MAP4K3: variants seen among roughly 807,000 people sequenced by gnomAD.
The protein encoded by MAP4K3 is mitogen-activated protein kinase kinase kinase kinase 3, also known as MAPK/ERK kinase kinase kinase 3.
Under a neutral mutation model 143.5 loss-of-function variants are expected in MAP4K3, and 94 were observed. The ratio of observed to expected loss-of-function variants is 0.65; its 90% CI spans 0.55 to 0.78. The LOEUF (loss-of-function observed/expected upper bound fraction) is 0.78. Ranked by LOEUF, MAP4K3 falls within the 30% of genes least tolerant of loss-of-function variation. MAP4K3 has a pLI of 0.00. For missense variants in MAP4K3, 1,077 were observed against 1,068.1 expected (o/e 1.01, Z -0.12); for synonymous variants, 416 against 347.2 (o/e 1.20, Z -2.20).
chr2:39,302,111 A>G (rs938983418), intron 15 of MAP4K3, among the ~76,000 whole-genome samples: 3 of 152,130 alleles, frequency 2.0e-5, no homozygotes, highest in South Asian at 2.1e-4. Context: ...AAGTATCTAA[A>G]ATAACTAAAG....
intron 2 of MAP4K3, among the ~76,000 whole-genome samples, chr2:39,373,641 T>C (rs1666139888): frequency 6.6e-6 from 1 of 152,164 alleles, no homozygotes; most frequent in South Asian, 2.1e-4. Flanking sequence ...TGCAACAACA[T>C]GGGTGGAACT....
intron 29 of MAP4K3, among the ~76,000 whole-genome samples, chr2:39,259,706 T>C (rs1402576403): frequency 6.6e-6 from 1 of 152,184 alleles, no homozygotes; most frequent in Non-Finnish European, 1.5e-5. Context: ...ATGTGAAACA[T>C]ATAAAATGAA....
chr2:39,369,137 G>A (rs1362768290), intron 2 of MAP4K3, among the ~76,000 whole-genome samples: 1 of 149,698 alleles, frequency 6.7e-6, no homozygotes, highest in Non-Finnish European at 1.5e-5. Context: ...TTACTAACCT[G>A]TAAAAACAAA....
intron 24 of MAP4K3, among the ~76,000 whole-genome samples, chr2:39,274,323 TCTC>T (rs1462285131): frequency 6.6e-6 from 1 of 151,788 alleles, no homozygotes; most frequent in Admixed American, 6.6e-5. Flanking sequence ...TTCACGCCCT[TCTC>T]CTGCCTCAGC....
intron 26 of MAP4K3, among the ~76,000 whole-genome samples, chr2:39,268,184 A>AT (rs1680846689): frequency 6.6e-6 from 1 of 152,114 alleles, no homozygotes; most frequent in Non-Finnish European, 1.5e-5. Context: ...TCAATTCTGA[A>AT]TTTTTTTAAA....
chr2:39,263,679 G>C (rs1381925511), intron 28 of MAP4K3, among the ~76,000 whole-genome samples: 1 of 152,142 alleles, frequency 6.6e-6, no homozygotes, highest in African/African-American at 2.4e-5. Flanking sequence ...AGAAAAGGGA[G>C]AAGAGTGATT....
chr2:39,378,024 G>A (rs1558676037), intron 2 of MAP4K3, 42 bp downstream of exon 2: 1 of 1,138,690 alleles, frequency 8.8e-7, no homozygotes, highest in Middle Eastern at 2.0e-4. Context: ...GATATCCCAT[G>A]GCTTTCTAGC....
chr2:39,293,966 G>A (rs1682163078), intron 16 of MAP4K3: 1 of 152,194 alleles, frequency 6.6e-6, no homozygotes, highest in Non-Finnish European at 1.5e-5. Flanking sequence ...TAATTTTCAG[G>A]AATGTAAGAG....
At chr2:39,302,305 A>C (rs192400609) in intron 15 of MAP4K3, among the ~76,000 whole-genome samples, 1 of 152,200 alleles carries the variant, frequency 6.6e-6, no homozygotes, top group Non-Finnish European at 1.5e-5. Flanking sequence ...ATGTTATAGC[A>C]ACCATGGAAC....
intron 3 of MAP4K3, among the ~76,000 whole-genome samples, chr2:39,351,515 G>GT (rs1665457251): frequency 2.5e-5 from 1 of 39,600 alleles, no homozygotes; most frequent in South Asian, 6.2e-4. Context: ...GAAGGATTAG[G>GT]TTTTAGATAT....
chr2:39,403,710 G>A (rs1267110811), intron 1 of MAP4K3, among the ~76,000 whole-genome samples: 1 of 151,864 alleles, frequency 6.6e-6, no homozygotes, highest in Non-Finnish European at 1.5e-5. Context: ...GTGGGGCTTG[G>A]AGCCAGTGGA....
chr2:39,349,640 G>GGAAGA (rs1453984334), intron 3 of MAP4K3, among the ~76,000 whole-genome samples: 2 of 151,980 alleles, frequency 1.3e-5, no homozygotes, highest in Non-Finnish European at 2.9e-5. Flanking sequence ...GAGGGAGAAG[G>GGAAGA]GAAGAGAAGG....
intron 24 of MAP4K3, among the ~76,000 whole-genome samples, chr2:39,274,216 TC>T (rs1417591460): frequency 2.7e-5 from 4 of 149,998 alleles, no homozygotes; most frequent in African/African-American, 4.9e-5. Context: ...ATTTTCTTTC[TC>T]TCTCTTTTTT....
intron 1 of MAP4K3, among the ~76,000 whole-genome samples, chr2:39,423,771 T>A (rs10175333): frequency 4.6e-5 from 7 of 152,170 alleles, no homozygotes; most frequent in African/African-American, 1.7e-4. Flanking sequence ...CAGAGGAGAA[T>A]GGAAGATGAA....
chr2:39,294,404 C>G (rs1304738885), intron 16 of MAP4K3: 1 of 152,176 alleles, frequency 6.6e-6, no homozygotes, highest in African/African-American at 2.4e-5. Context: ...AAACCACAAA[C>G]TAATTGCAAG....
chr2:39,309,327 G>A (rs955490044), intron 14 of MAP4K3, 134 bp downstream of exon 14: 6 of 614,742 alleles, frequency 9.8e-6, no homozygotes, highest in Non-Finnish European at 1.6e-5. Context: ...GTCTTACTAT[G>A]TTGACCAGGC....
chr2:39,306,486 T>C (rs981836771), intron 15 of MAP4K3, among the ~76,000 whole-genome samples: 1 of 152,210 alleles, frequency 6.6e-6, no homozygotes, highest in Non-Finnish European at 1.5e-5. Flanking sequence ...CTTCCAATGT[T>C]GGTTCTACCT....
chr2:39,322,481 G>A (rs951860970), intron 12 of MAP4K3, among the ~76,000 whole-genome samples: 16 of 151,974 alleles, frequency 1.1e-4, no homozygotes, highest in Admixed American at 1.0e-3. Context: ...TTACACCAGT[G>A]TGTAATTACT....
intron 1 of MAP4K3, chr2:39,436,683 G>T: frequency 1.8e-6 from 1 of 564,566 alleles, no homozygotes; most frequent in Non-Finnish European, 3.1e-6. Context: ...CACCGGGGGG[G>T]CTCAGGTAAG....
Sources: allele counts gnomAD v4.1 joint callset (sites outside exome capture counted in the v4.1 genomes callset), GRCh38; gene constraint gnomAD v4.1.1; transcripts MANE v1.5; gene names NCBI Gene and HGNC (gene_info 2026-07-23, HGNC 2026-07-21).